The following GREP1 variants were observed in gnomAD, a reference collection of about 807,000 sequenced individuals.
GREP1 encodes the protein glycine rich extracellular protein 1.
intron 7 of GREP1, among the ~76,000 whole-genome samples, chr16:2,990,805 G>T (rs969611230): frequency 2.6e-5 from 4 of 152,128 alleles, no homozygotes; most frequent in Admixed American, 1.3e-4. Flanking sequence ...GGGGACAGGG[G>T]CACCTGGGCC....
chr16:2,995,550 C>A (rs893798904), intron 15 of GREP1, 69 bp from the exon 16 acceptor site: 2 of 398,650 alleles, frequency 5.0e-6, no homozygotes, highest in Non-Finnish European at 8.8e-6. Context: ...TGGGAGGAAG[C>A]CTCCAGGATT....
Position 2,989,964 on chromosome 16 carries a change from G to C in GREP1, c.131-10G>C. The stretch of plus-strand genomic sequence containing the variant: ...GGGGAGGGGTGTCCCTCACCTCCCT[G>C]TCTCTCCAGGCTATGATGGGGGCGT... On this transcript the variant is annotated splice_polypyrimidine_tract_variant and intron_variant, in intron 3 of 34. Coordinates refer to ENST00000573315, the Ensembl canonical transcript of GREP1. This position sits in a 1 kb window ranked among gnomAD's most constrained non-coding sequence, Gnocchi z 4.2. 2.5e-6 allele frequency: 1 copy of C among 399,092 alleles called. No individual in the cohort carries two copies. 24.7% of individuals were successfully genotyped at this position (399,092 alleles called of 1,614,324 possible).
rs1381756008 is a variant in GREP1, at chr16:2,996,532, G to A, written c.712+1G>A. 2.5e-6 allele frequency: 1 copy of A among 399,344 alleles called. No homozygotes were observed. Among genetic ancestry groups the A allele is most frequent in the Non-Finnish European group, 4.4e-6 (1 of 226,294 alleles). 24.7% of individuals were successfully genotyped at this position (399,344 alleles called of 1,614,324 possible). A position where few individuals can be genotyped will look rare whatever the true frequency, so the allele number is the denominator to read the frequency against. On this transcript the variant is annotated splice_donor_variant, in intron 19 of 34. Coordinates refer to ENST00000573315, the Ensembl canonical transcript of GREP1. LOFTEE classifies it high-confidence loss of function. The stretch of plus-strand genomic sequence containing the variant: ...GGAAATGGACCGGGAGTCCAGCCAG[G>A]TGAGGGCAGCTGGGCCTGGCTCGCG...
chr16:3,000,901 C>A, intron 33 of GREP1, 74 bp downstream of exon 27: 2 of 397,678 alleles, frequency 5.0e-6, no homozygotes, highest in South Asian at 2.8e-4. Flanking sequence ...GGGCCCAGGT[C>A]TACCCACAGC....
At chr16:2,996,474 C>G (rs1396625294) in intron 18 of GREP1, 22 bp from the exon 18 acceptor site, 1 of 399,006 alleles carries the variant, frequency 2.5e-6, no homozygotes, top group Non-Finnish European at 4.4e-6. Context: ...CCGTCTCACA[C>G]CCTCCCCGTC....
Position 2,989,886 on chromosome 16 carries a change from G to C in GREP1, c.131-88G>C. 1 of 398,914 alleles carries C rather than the reference G, an allele frequency of 2.5e-6. No individual in the cohort carries two copies. The highest frequency in any genetic ancestry group is 4.4e-6 in the Non-Finnish European group (1 of 226,058). 24.7% of individuals were successfully genotyped at this position (398,914 alleles called of 1,614,324 possible). A position where few individuals can be genotyped will look rare whatever the true frequency, so the allele number is the denominator to read the frequency against. On this transcript the variant is annotated intron_variant, in intron 3 of 34. Coordinates refer to ENST00000573315, the Ensembl canonical transcript of GREP1. The surrounding 1 kb of genome is among the most constrained non-coding windows in gnomAD (Gnocchi z 4.2). The stretch of plus-strand genomic sequence containing the variant: ...ATGGGAAGGGACTGAGTTCCCACAG[G>C]CCCACTGCTTGGATAGGCTGTGGGC...
At chr16:3,001,618 G>A (rs2072462630) in exon 35 of GREP1, 2 of 399,044 alleles carry the variant, frequency 5.0e-6, no homozygotes, top group Non-Finnish European at 8.8e-6. Context: ...GCCCAGCAAG[G>A]AAGACAGACC....
At chr16:2,997,415 G>A in exon 22 of GREP1, 1 of 398,938 alleles carries the variant, frequency 2.5e-6, no homozygotes, top group East Asian at 3.6e-5. Context: ...TGGCTACAGA[G>A]CAGGTACTGG....
intron 19 of GREP1, 63 bp downstream of exon 18, chr16:2,996,594 G>A: frequency 2.5e-6 from 1 of 399,386 alleles, no homozygotes; most frequent in Non-Finnish European, 4.4e-6. Flanking sequence ...GAGAAGCTGA[G>A]GCCACAGGGA....
chr16:3,001,654 T>G, exon 35 of GREP1: 1 of 399,130 alleles, frequency 2.5e-6, no homozygotes, highest in Non-Finnish European at 4.4e-6. Flanking sequence ...TGGTGCTGCC[T>G]GGCCGGGGGT....
intron 12 of GREP1, 40 bp from the exon 14 acceptor site, chr16:2,994,887 C>T: frequency 2.5e-6 from 1 of 399,250 alleles, no homozygotes; most frequent in Non-Finnish European, 4.4e-6. Context: ...ACCTGAGCTC[C>T]CTCCCCTCAT....
At chr16:3,001,809 C>T (rs1335171932) in exon 35 of GREP1, 2 of 395,080 alleles carry the variant, frequency 5.1e-6, no homozygotes, top group East Asian at 3.6e-5. Context: ...TCAATGAGGC[C>T]ATGTGCCAGG....
At chr16:2,998,312 G>A (rs905643101) in intron 23 of GREP1, 44 bp from the exon 22 acceptor site, 17 of 398,964 alleles carry the variant, frequency 4.3e-5, no homozygotes, top group East Asian at 7.1e-5. Flanking sequence ...TACACTCCTC[G>A]GGTGGGCTGA....
exon 35 of GREP1, chr16:3,001,776 CTCAT>C (rs537649862): frequency 5.0e-6 from 2 of 397,112 alleles, no homozygotes; most frequent in South Asian, 2.8e-4. Context: ...CACCCAGCAC[CTCAT>C]TCATTCATTT....
At chr16:2,996,521 A>T in exon 19 of GREP1, 1 of 399,142 alleles carries the variant, frequency 2.5e-6, no homozygotes, top group Non-Finnish European at 4.4e-6. Flanking sequence ...ATGGACCGGG[A>T]GTCCAGCCAG....
At chr16:2,996,227 C>T (rs866805405) in intron 18 of GREP1, among the ~76,000 whole-genome samples, 19 of 152,054 alleles carry the variant, frequency 1.2e-4, no homozygotes, top group African/African-American at 4.1e-4. Flanking sequence ...GCCACCGCAC[C>T]GGGCTGAGCC....
At chr16:2,997,306 G>A in intron 21 of GREP1, 1 of 398,578 alleles carries the variant, frequency 2.5e-6, no homozygotes. Flanking sequence ...TTTCTGACTT[G>A]GCTCTGAAAG....
intron 33 of GREP1, among the ~76,000 whole-genome samples, chr16:3,001,043 G>A (rs1275049508): frequency 6.6e-6 from 1 of 152,166 alleles, no homozygotes; most frequent in African/African-American, 2.4e-5. Context: ...CCGGGACCCT[G>A]AGAGCCAGCC....
At chr16:3,001,025 A>C (rs994092966) in intron 33 of GREP1, among the ~76,000 whole-genome samples, 198 bp downstream of exon 27, 2 of 152,174 alleles carry the variant, frequency 1.3e-5, no homozygotes, top group African/African-American at 4.8e-5. Context: ...AGGAGAGGCC[A>C]GAAGAGCCCG....
Sources: gnomAD v4.1 joint callset for allele counts (sites outside exome capture counted in the v4.1 genomes callset) on GRCh38, gnomAD v4.1.1 for gene constraint, Gnocchi (gnomAD v3.1) non-coding constraint, MANE v1.5 for transcripts, NCBI Gene and HGNC (gene_info 2026-07-23, HGNC 2026-07-21) for gene names.